STRN3: variants seen among roughly 807,000 people sequenced by gnomAD.
STRN3 encodes striatin-3.
A neutral mutation model predicts 95.6 loss-of-function variants in STRN3; 29 were observed. The ratio of observed to expected loss-of-function variants is 0.30; its 90% CI spans 0.23 to 0.41. The LOEUF (loss-of-function observed/expected upper bound fraction) is 0.41, where lower values mean the gene tolerates loss of function less well. Ranked by LOEUF, STRN3 falls within the 10% of genes least tolerant of loss-of-function variation. The pLI, the probability that STRN3 is intolerant of heterozygous loss-of-function variation, is 1.00. For missense variants in STRN3, 890 were observed against 972.1 expected (o/e 0.92, Z 1.12); for synonymous variants, 331 against 357.6 (o/e 0.93, Z 0.84).
At chr14:31,008,120 G>C (rs1320995778) in intron 1 of STRN3, among the ~76,000 whole-genome samples, 1 of 152,076 alleles carries the variant, frequency 6.6e-6, no homozygotes, top group Non-Finnish European at 1.5e-5. Flanking sequence ...GAACCCAGGA[G>C]GTGGGGGTTG....
At chr14:31,006,938 C>A (rs1882746065) in intron 1 of STRN3, among the ~76,000 whole-genome samples, 1 of 150,308 alleles carries the variant, frequency 6.7e-6, no homozygotes, top group African/African-American at 2.4e-5. Flanking sequence ...AACTGCACTT[C>A]TGAATGGCGA....
At chr14:30,934,766 G>C (rs1878734280) in intron 7 of STRN3, among the ~76,000 whole-genome samples, 1 of 151,980 alleles carries the variant, frequency 6.6e-6, no homozygotes, top group Non-Finnish European at 1.5e-5. Flanking sequence ...CTAGTAATTA[G>C]TCAGATAACA....
At position 30,895,089 on chromosome 14, in the gene STRN3, GA is replaced by G. The variant is rs1896104717; in HGVS notation, c.*321del. ...AAAAAAAAAAAAAAAAGAAGAAGAA[GA>G]AGAGAAAAAAAAAAACTTTTTTGAA... is the stretch of plus-strand genomic sequence containing the variant. On this transcript the variant is annotated 3_prime_UTR_variant, in exon 18 of 18. Transcript: ENST00000357479. 1.8e-4 allele frequency: 21 copies of G among 118,172 alleles called. No homozygotes were observed. The highest frequency in any genetic ancestry group is 5.9e-4 in the African/African-American group (12 of 20,436). The allele number at this position is 118,172 out of a possible 1,614,324, so 7.3% of individuals were successfully genotyped here. A position where few individuals can be genotyped will look rare whatever the true frequency, so the allele number is the denominator to read the frequency against.
intron 1 of STRN3, among the ~76,000 whole-genome samples, chr14:30,980,389 T>G (rs998925947): frequency 5.9e-5 from 9 of 152,148 alleles, no homozygotes; most frequent in African/African-American, 2.2e-4. Flanking sequence ...TATTCTGCAA[T>G]GTTTCTTTGT....
rs144796664 is a variant in STRN3, at chr14:30,986,746, C to T, written c.283-30504G>A. Among the ~76,000 whole-genome samples the T allele has an allele frequency of 1.1e-4, 17 of 152,238 alleles. No individual in the cohort carries two copies. The East Asian group carries it at 3.3e-3, about 29-fold the overall frequency. On this transcript the variant is annotated intron_variant, in intron 1 of 17. Transcript: ENST00000357479. ...GAAATAAATAGAAAAAAGTACAATT[C>T]ATTTTGGCTCACACCTACTTTAGTG...
At chr14:30,929,954 C>CAAAAAAAAAAACAAAAA (rs1393194244) in intron 7 of STRN3, among the ~76,000 whole-genome samples, 3 of 40,004 alleles carry the variant, frequency 7.5e-5, no homozygotes, top group South Asian at 6.4e-4. Flanking sequence ...CTAAGATTAG[C>CAAAAAAAAAAACAAAAA]AAAAAAAAAA....
chr14:30,925,290 A>G (rs973040325), intron 8 of STRN3, among the ~76,000 whole-genome samples: 1 of 152,142 alleles, frequency 6.6e-6, no homozygotes, highest in South Asian at 2.1e-4. Context: ...TGGGAGACAC[A>G]GAAACTTTAA....
chr14:30,908,829 A>G (rs1896534469), intron 13 of STRN3, among the ~76,000 whole-genome samples: 1 of 152,130 alleles, frequency 6.6e-6, no homozygotes, highest in Non-Finnish European at 1.5e-5. Context: ...ACACTCCCCC[A>G]GTATTGCCCA....
At chr14:30,911,285 C>T in intron 12 of STRN3, 123 bp from the exon 13 acceptor site, 1 of 986,226 alleles carries the variant, frequency 1.0e-6, no homozygotes, top group Non-Finnish European at 1.4e-6. Flanking sequence ...ACATGTACAC[C>T]TGACTGGTAC....
At position 31,026,078 on chromosome 14, in the gene STRN3, T is replaced by G; in HGVS notation, c.108A>C (p.Gly36=). The part of the protein sequence containing the change: ...GNLGLSPGGN[G]AAGGGGPPAS... ...CCGGAGGACCCCCGCCGCCCGCCGC[T>G]CCGTTCCCCCCGGGCGAAAGGCCCA... The change falls in exon 1 of 18, where the codon GGA becomes GGC. Residue 36 remains glycine (G), a synonymous_variant. Coordinates refer to ENST00000357479, the MANE Select transcript of STRN3 (RefSeq NM_001083893.2). The G allele has an allele frequency of 6.5e-7, 1 of 1,530,366 alleles. No homozygotes were observed. The highest frequency in any genetic ancestry group is 1.4e-5 in the African/African-American group (1 of 70,450). 94.8% of individuals were successfully genotyped at this position (1,530,366 alleles called of 1,614,324 possible).
chr14:31,022,295 C>G (rs179735), intron 1 of STRN3, among the ~76,000 whole-genome samples: 150,947 of 151,472 alleles, frequency 1, 75,218 homozygotes, highest in Middle Eastern at 1. Flanking sequence ...CAGGAGAATG[C>G]CGTGAACCTG....
In STRN3 at chr14:30,929,288, C is replaced by T. The variant is rs770369876; in HGVS notation, c.1012G>A (p.Ala338Thr). Residue 338 changes from alanine to threonine, a missense_variant, in exon 8 of 18, where the codon GCT (alanine) becomes ACT (threonine). Coordinates refer to ENST00000357479, the MANE Select transcript of STRN3 (RefSeq NM_001083893.2). ...EWDKDDLSPTAEVWDVDQGLI... is the reference protein window; with the variant it reads ...EWDKDDLSPTTEVWDVDQGLI... ...CCCTGGTCTACATCCCAAACCTCAG[C>T]AGTTGGGGAGAGGTCATCTTTATCT... 5 of 1,613,412 alleles carry T rather than the reference C, an allele frequency of 3.1e-6. No individual in the cohort carries two copies. The highest frequency in any genetic ancestry group is 4.2e-6 in the Non-Finnish European group (5 of 1,179,670).
intron 5 of STRN3, among the ~76,000 whole-genome samples, chr14:30,941,575 G>A (rs551453699): frequency 6.6e-6 from 1 of 152,264 alleles, no homozygotes; most frequent in African/African-American, 2.4e-5. Context: ...GAGGGGTGGT[G>A]TTAAACCAGC....
chr14:30,962,218 TAATAG>T (rs780083045), intron 1 of STRN3, among the ~76,000 whole-genome samples: 6 of 152,104 alleles, frequency 3.9e-5, no homozygotes, highest in Non-Finnish European at 7.4e-5. Flanking sequence ...AGAAGAAAGC[TAATAG>T]AATAAAGATA....
At chr14:30,931,433 A>G (rs1397545853) in intron 7 of STRN3, among the ~76,000 whole-genome samples, 1 of 152,228 alleles carries the variant, frequency 6.6e-6, no homozygotes. Flanking sequence ...GACTCCTGAC[A>G]GCTCAAACCC....
At chr14:30,921,785 C>A (rs996985070) in intron 8 of STRN3, among the ~76,000 whole-genome samples, 1 of 152,128 alleles carries the variant, frequency 6.6e-6, no homozygotes, top group Non-Finnish European at 1.5e-5. Context: ...GCCCATTAAG[C>A]ACTAATTAAA....
At chr14:30,947,896 G>C (rs1040294392) in intron 4 of STRN3, among the ~76,000 whole-genome samples, 2 of 152,190 alleles carry the variant, frequency 1.3e-5, no homozygotes, top group African/African-American at 4.8e-5. Flanking sequence ...AATGAGTTGT[G>C]AATGGTTCTG....
Position 30,897,969 on chromosome 14 carries a change from T to C in STRN3, c.2138-2221A>G, listed in dbSNP as rs893306994. On this transcript the variant is annotated intron_variant, in intron 16 of 17. Transcript: ENST00000357479. Reference sequence around the variant, plus strand: ...AGCTTTCCTTATGTTAAATCTGTGATGGTAAGTTTTATTTTTAAAATTTAT... The same window carrying C: ...AGCTTTCCTTATGTTAAATCTGTGACGGTAAGTTTTATTTTTAAAATTTAT... Among the ~76,000 whole-genome samples, 3 of 152,116 alleles carry C rather than the reference T, an allele frequency of 2.0e-5. 1 individual carries two copies. Among genetic ancestry groups the C allele is most frequent in the Admixed American group, 1.3e-4 (2 of 15,268 alleles).
At chr14:30,987,308 C>CT (rs1881740228) in intron 1 of STRN3, among the ~76,000 whole-genome samples, 1 of 152,144 alleles carries the variant, frequency 6.6e-6, no homozygotes, top group South Asian at 2.1e-4. Flanking sequence ...GAGATCGAGA[C>CT]TATCCTGGCT....
Sources: gnomAD v4.1 joint callset for allele counts (sites outside exome capture counted in the v4.1 genomes callset) on GRCh38, gnomAD v4.1.1 for gene constraint, MANE v1.5 for transcripts, NCBI Gene and HGNC (gene_info 2026-07-23, HGNC 2026-07-21) for gene names.